Variants in HPSE2 observed in about 807,000 individuals in gnomAD.
HPSE2 encodes heparanase 2 (inactive).
A neutral mutation model predicts 60.5 loss-of-function variants in HPSE2; 38 were observed. The ratio of observed to expected loss-of-function variants is 0.63; its 90% CI spans 0.48 to 0.82. The LOEUF is 0.82. HPSE2 is among the 40% of genes least tolerant of loss of function. The probability of loss-of-function intolerance (pLI) is 0.00; values close to 1 mark genes in which losing one functional copy is unlikely to be tolerated. For synonymous variants in HPSE2, 295 were observed against 293.2 expected (o/e 1.01, Z -0.06); for missense variants, 713 against 740.4 (o/e 0.96, Z 0.43).
intron 3 of HPSE2, among the ~76,000 whole-genome samples, chr10:98,889,734 A>G (rs1050514803): frequency 1.3e-5 from 2 of 152,174 alleles, no homozygotes; most frequent in Non-Finnish European, 2.9e-5. Context: ...AATCAATAAG[A>G]TGATATTCCA....
chr10:98,999,725 C>T (rs192005772), intron 3 of HPSE2, among the ~76,000 whole-genome samples: 4 of 151,986 alleles, frequency 2.6e-5, no homozygotes, highest in East Asian at 1.9e-4. Context: ...AAGTGGGCAA[C>T]GAGGAAGCTT....
the HPSE2 span, among the ~76,000 whole-genome samples, chr10:99,261,509 A>G: frequency 6.6e-6 from 1 of 152,070 alleles, no homozygotes; most frequent in African/African-American, 2.4e-5. Flanking sequence ...GCTCTTTTTC[A>G]CCAAATATAA....
chr10:99,213,603 T>C (rs904368916), intron 2 of HPSE2, among the ~76,000 whole-genome samples: 4 of 152,152 alleles, frequency 2.6e-5, no homozygotes, highest in Non-Finnish European at 4.4e-5. Flanking sequence ...AGAAGGCTTA[T>C]GTTCTCCCTT....
chr10:98,728,254 T>C (rs1476949820), intron 4 of HPSE2, among the ~76,000 whole-genome samples: 1 of 152,152 alleles, frequency 6.6e-6, no homozygotes, highest in Non-Finnish European at 1.5e-5. Flanking sequence ...TATAAAGATA[T>C]AATATTTAGA....
intron 3 of HPSE2, among the ~76,000 whole-genome samples, chr10:98,866,889 T>G (rs1158158447): frequency 6.6e-6 from 1 of 152,186 alleles, no homozygotes; most frequent in Non-Finnish European, 1.5e-5. Flanking sequence ...AAGATTGTCC[T>G]TAAGGCAGAA....
At chr10:98,863,209 G>C (rs1435613332) in intron 3 of HPSE2, among the ~76,000 whole-genome samples, 8 of 152,026 alleles carry the variant, frequency 5.3e-5, no homozygotes, top group Non-Finnish European at 1.2e-4. Flanking sequence ...CCCAAGCCTT[G>C]GAAAAAATTG....
chr10:98,692,907 A>G (rs554436725), intron 6 of HPSE2, among the ~76,000 whole-genome samples: 2 of 152,368 alleles, frequency 1.3e-5, no homozygotes, highest in Non-Finnish European at 2.9e-5. Context: ...GCCAGCAAAC[A>G]AAAACACTTT....
At chr10:98,800,674 T>C (rs1265790688) in intron 3 of HPSE2, among the ~76,000 whole-genome samples, 1 of 151,560 alleles carries the variant, frequency 6.6e-6, no homozygotes, top group African/African-American at 2.4e-5. Context: ...GATTGAACCA[T>C]GAAGAAATCC....
At chr10:98,500,439 G>A (rs777226094) in intron 9 of HPSE2, among the ~76,000 whole-genome samples, 17 of 152,098 alleles carry the variant, frequency 1.1e-4, no homozygotes, top group Non-Finnish European at 1.8e-4. Context: ...GGTCAAAAAC[G>A]AAATCAAGAT....
intron 3 of HPSE2, among the ~76,000 whole-genome samples, chr10:98,974,781 C>T (rs1482854635): frequency 6.6e-6 from 1 of 152,066 alleles, no homozygotes; most frequent in East Asian, 1.9e-4. Flanking sequence ...ATTGTATCAC[C>T]TTATTCCCTT....
chr10:99,309,516 G>A, the HPSE2 span, among the ~76,000 whole-genome samples: 1 of 152,156 alleles, frequency 6.6e-6, no homozygotes, highest in Non-Finnish European at 1.5e-5. Context: ...AAAATGAAAA[G>A]GACAGAAAAT....
At chr10:98,816,607 G>C (rs1231566331) in intron 3 of HPSE2, among the ~76,000 whole-genome samples, 1 of 152,210 alleles carries the variant, frequency 6.6e-6, no homozygotes, top group African/African-American at 2.4e-5. Flanking sequence ...ACTGAGGTTA[G>C]TATCTGCCAG....
At chr10:99,048,446 A>G in intron 3 of HPSE2, 1 of 216,040 alleles carries the variant, frequency 4.6e-6, no homozygotes, top group South Asian at 7.3e-5. Flanking sequence ...TCAAAAGAAG[A>G]CATACAAGTG....
intron 3 of HPSE2, among the ~76,000 whole-genome samples, chr10:98,791,115 T>G (rs1047636572): frequency 6.6e-6 from 1 of 152,198 alleles, no homozygotes; most frequent in Admixed American, 6.5e-5. Context: ...GAGACTATCT[T>G]ATGTTTCACA....
intron 11 of HPSE2, among the ~76,000 whole-genome samples, chr10:98,478,492 A>G (rs1941110381): frequency 6.6e-6 from 1 of 152,200 alleles, no homozygotes; most frequent in African/African-American, 2.4e-5. Context: ...GGAATCCTAG[A>G]GCACCTCTGA....
chr10:99,250,563 C>T, the HPSE2 span, among the ~76,000 whole-genome samples: 2 of 152,186 alleles, frequency 1.3e-5, no homozygotes, highest in East Asian at 1.9e-4. Flanking sequence ...TTCTTCTCAT[C>T]TGCACACATA....
At chr10:98,608,462 A>G (rs74154331) in intron 9 of HPSE2, among the ~76,000 whole-genome samples, 8,348 of 152,272 alleles carry the variant, frequency 0.055, 768 homozygotes, top group African/African-American at 0.19. Flanking sequence ...AATCAGAGGA[A>G]CGTCTACGTG....
At chr10:98,635,282 G>T (rs1946467715) in intron 7 of HPSE2, among the ~76,000 whole-genome samples, 1 of 152,138 alleles carries the variant, frequency 6.6e-6, no homozygotes, top group Admixed American at 6.5e-5. Flanking sequence ...ACTGTTGGTG[G>T]GAATGTAAAT....
At chr10:99,035,466 G>A (rs781721276) in intron 3 of HPSE2, among the ~76,000 whole-genome samples, 7 of 152,160 alleles carry the variant, frequency 4.6e-5, no homozygotes, top group African/African-American at 1.7e-4. Flanking sequence ...CCTTCTGGAG[G>A]ACCTGCCTGA....
Sources: allele counts gnomAD v4.1 joint callset (sites outside exome capture counted in the v4.1 genomes callset), GRCh38; gene constraint gnomAD v4.1.1; transcripts MANE v1.5; gene names NCBI Gene and HGNC (gene_info 2026-07-23, HGNC 2026-07-21).